Variants in UBE2K observed in about 807,000 individuals in gnomAD.
The protein encoded by UBE2K is ubiquitin-conjugating enzyme E2 K.
A neutral mutation model predicts 30.0 loss-of-function variants in UBE2K; 6 were observed. That is an observed-to-expected ratio of 0.20 (90% confidence interval 0.11 to 0.39). UBE2K has a LOEUF of 0.39. Ranked by LOEUF, UBE2K falls within the 10% of genes least tolerant of loss-of-function variation. The pLI is 1.00. For synonymous variants in UBE2K, 86 were observed against 83.7 expected, an observed-to-expected ratio of 1.03 and a Z score of -0.15; for missense variants, 61 against 241.6, an observed-to-expected ratio of 0.25 and a Z score of 4.96.
chr4:39,754,069 G>A (rs1721408186), intron 3 of UBE2K, among the ~76,000 whole-genome samples: 1 of 152,210 alleles, frequency 6.6e-6, no homozygotes, highest in African/African-American at 2.4e-5. Context: ...TGAAGGGAAT[G>A]AGAGGTCATT....
intron 2 of UBE2K, among the ~76,000 whole-genome samples, chr4:39,742,557 T>G (rs1720760208): frequency 6.6e-6 from 1 of 151,934 alleles, no homozygotes; most frequent in African/African-American, 2.4e-5. Context: ...GCCAGCATGC[T>G]GAGACCCTGT....
intron 4 of UBE2K, among the ~76,000 whole-genome samples, chr4:39,772,045 C>T (rs1316942391): frequency 1.3e-5 from 2 of 152,180 alleles, no homozygotes; most frequent in African/African-American, 4.8e-5. Flanking sequence ...CCATGTTGCC[C>T]AGGCTGGTCT....
intron 4 of UBE2K, chr4:39,770,645 G>A: frequency 1.3e-6 from 2 of 1,596,776 alleles, no homozygotes; most frequent in Admixed American, 1.7e-5. Context: ...ACAGGCTATA[G>A]CAGGCCTTCA....
At chr4:39,770,663 C>G in intron 4 of UBE2K, 2 of 1,584,160 alleles carry the variant, frequency 1.3e-6, no homozygotes, top group Non-Finnish European at 1.7e-6. Context: ...TCACCACACC[C>G]TGCGGTGGGG....
chr4:39,718,121 G>A (rs905995447), intron 1 of UBE2K, among the ~76,000 whole-genome samples: 1 of 152,070 alleles, frequency 6.6e-6, no homozygotes, highest in South Asian at 2.1e-4. Context: ...CTCTTATCTG[G>A]CCCCACGCAC....
chr4:39,751,906 G>T (rs1432263278), intron 3 of UBE2K, among the ~76,000 whole-genome samples: 1 of 152,146 alleles, frequency 6.6e-6, no homozygotes, highest in Non-Finnish European at 1.5e-5. Flanking sequence ...GACAGAGGTT[G>T]CAGTGAACCG....
chr4:39,768,276 C>CAAAAAA (rs35596173), intron 4 of UBE2K, among the ~76,000 whole-genome samples: 1 of 113,548 alleles, frequency 8.8e-6, no homozygotes. Context: ...CCGTCTCTAC[C>CAAAAAA]AAAAAAAAAA....
chr4:39,704,687 T>G (rs1259366922), intron 1 of UBE2K, among the ~76,000 whole-genome samples: 1 of 151,964 alleles, frequency 6.6e-6, no homozygotes, highest in African/African-American at 2.4e-5. Context: ...ACTAAAGGCG[T>G]CTGCCACCAT....
intron 1 of UBE2K, among the ~76,000 whole-genome samples, chr4:39,706,975 C>CGGCTCACTGCA (rs1330032169): frequency 6.6e-6 from 1 of 151,764 alleles, no homozygotes; most frequent in Non-Finnish European, 1.5e-5. Flanking sequence ...GGCTTTATCT[C>CGGCTCACTGCA]GGCTCACTGC....
At chr4:39,770,189 G>C in intron 4 of UBE2K, 1 of 1,609,362 alleles carries the variant, frequency 6.2e-7, no homozygotes, top group Non-Finnish European at 8.5e-7. Flanking sequence ...GCTTGTGGGC[G>C]AAGCGCATGT....
chr4:39,755,903 A>G (rs76530278), intron 4 of UBE2K, among the ~76,000 whole-genome samples, 164 bp downstream of exon 4: 1 of 152,360 alleles, frequency 6.6e-6, no homozygotes, highest in African/African-American at 2.4e-5. Context: ...TATAATTGAG[A>G]TCACAATCCA....
At chr4:39,765,540 C>CCAGG (rs1349250490) in intron 4 of UBE2K, among the ~76,000 whole-genome samples, 1 of 151,480 alleles carries the variant, frequency 6.6e-6, no homozygotes, top group Non-Finnish European at 1.5e-5. Flanking sequence ...ATAAGCAGGG[C>CCAGG]CAGGCGCAGT....
At chr4:39,720,935 C>CT (rs1207522192) in intron 1 of UBE2K, among the ~76,000 whole-genome samples, 3 of 152,054 alleles carry the variant, frequency 2.0e-5, no homozygotes, top group Non-Finnish European at 4.4e-5. Context: ...TTTGTAGAGA[C>CT]TGAGTTTTGC....
In UBE2K at chr4:39,781,733, C is replaced by T. The variant is rs920835372; in HGVS notation, c.*3299C>T. ...AATGTTTAGATAGGAAAAAGGAAGCCGTCTGTTTACAGTTAACTTTATTTC... is the reference window on the plus strand; with the variant it reads ...AATGTTTAGATAGGAAAAAGGAAGCTGTCTGTTTACAGTTAACTTTATTTC... On this transcript the variant is annotated 3_prime_UTR_variant, in exon 7 of 7. Coordinates refer to ENST00000261427, the MANE Select transcript of UBE2K (RefSeq NM_005339.5). 4.4e-5 allele frequency: 17 copies of T among 390,364 alleles called. No individual in the cohort carries two copies. Among genetic ancestry groups the T allele is most frequent in the Non-Finnish European group, 6.8e-5 (15 of 220,986 alleles). 24.2% of individuals were successfully genotyped at this position (390,364 alleles called of 1,614,324 possible). A position where few individuals can be genotyped will look rare whatever the true frequency, so the allele number is the denominator to read the frequency against.
intron 5 of UBE2K, among the ~76,000 whole-genome samples, chr4:39,775,920 C>T (rs1042805628): frequency 6.6e-6 from 1 of 152,024 alleles, no homozygotes; most frequent in African/African-American, 2.4e-5. Context: ...CCTTCTTACT[C>T]GTCTTTCTTA....
intron 3 of UBE2K, among the ~76,000 whole-genome samples, chr4:39,755,249 A>G (rs1349010267): frequency 6.6e-6 from 1 of 152,202 alleles, no homozygotes; most frequent in Non-Finnish European, 1.5e-5. Flanking sequence ...GGTTTTACTT[A>G]CTTTTTTCCT....
chr4:39,750,321 A>C (rs1325799888), intron 3 of UBE2K, among the ~76,000 whole-genome samples: 2 of 152,244 alleles, frequency 1.3e-5, no homozygotes, highest in African/African-American at 4.8e-5. Context: ...GTTAAACTAA[A>C]GAGTGAATGA....
intron 2 of UBE2K, among the ~76,000 whole-genome samples, chr4:39,738,593 T>G (rs564467459): frequency 2.8e-4 from 43 of 152,326 alleles, no homozygotes; most frequent in African/African-American, 9.9e-4. Context: ...GCTCAGGTAA[T>G]CCTCCAGCTT....
At chr4:39,725,377 CAAAAAAAAAAAAA>C (rs56021137) in intron 1 of UBE2K, among the ~76,000 whole-genome samples, 4 of 69,276 alleles carry the variant, frequency 5.8e-5, no homozygotes, top group Non-Finnish European at 7.7e-5. Context: ...GACCCTGTCT[CAAAAAAAAAAAAA>C]AAAAAAAAAA....
Sources: gnomAD v4.1 joint callset for allele counts (sites outside exome capture counted in the v4.1 genomes callset) on GRCh38, gnomAD v4.1.1 for gene constraint, MANE v1.5 for transcripts, NCBI Gene and HGNC (gene_info 2026-07-23, HGNC 2026-07-21) for gene names.